The following SNURF variants were observed in gnomAD, a reference collection of about 807,000 sequenced individuals.
SNURF encodes SNRPN upstream open reading frame, also known as SNURF protein.
SNURF carries 6 observed loss-of-function variants against 11.6 expected under a neutral mutation model. That is an observed-to-expected ratio of 0.52 (90% CI 0.28 to 1.02). SNURF has a LOEUF of 1.02. SNURF is among the 50% of genes least tolerant of loss of function. The pLI, the probability that SNURF is intolerant of heterozygous loss-of-function variation, is 0.09. For synonymous variants in SNURF, 29 were observed against 31.6 expected, an observed-to-expected ratio of 0.92 and a Z score of 0.27; for missense variants, 84 against 88.4, an observed-to-expected ratio of 0.95 and a Z score of 0.20.
At chr15:24,964,537 G>A (rs1026255749) in intron 2 of SNURF, among the ~76,000 whole-genome samples, 28 of 152,060 alleles carry the variant, frequency 1.8e-4, no homozygotes, top group African/African-American at 3.4e-4. Context: ...CAGATGATCC[G>A]CCCGCCTTGG....
At chr15:24,977,011 T>C (rs1346494021) in exon 6 of SNURF, 1 of 1,579,738 alleles carries the variant, frequency 6.3e-7, no homozygotes, top group Non-Finnish European at 8.6e-7. Context: ...TCCGAGGAGT[T>C]GGGGGACCAT....
rs773029016 is a variant in SNURF, at chr15:24,955,059, C to G, written c.11C>G (p.Ala4Gly). The G allele has an allele frequency of 6.2e-6, 10 of 1,613,316 alleles. No individual in the cohort carries two copies. In the South Asian group the frequency reaches 1.1e-4, roughly 18 times the overall value. The change falls in exon 1 of 3, where the codon GCA becomes GGA. Residue 4 changes from alanine (A) to glycine (G), a missense_variant. Ala to Gly is a moderately conservative substitution (Grantham distance 60). Transcript: ENST00000577949. The stretch of plus-strand genomic sequence containing the variant: ...GCGGTCAGTGACGCGATGGAGCGGG[C>G]AAGGTCAGCTGTGCCGGTGGCTTCT...
downstream of SNURF, chr15:24,978,081 A>T (rs909492262): frequency 3.2e-6 from 4 of 1,254,222 alleles, no homozygotes; most frequent in Admixed American, 2.1e-5. Flanking sequence ...TATAGAAGTT[A>T]TTTGACTCTA....
intron 2 of SNURF, among the ~76,000 whole-genome samples, chr15:24,963,864 C>T (rs915743075): frequency 6.6e-6 from 1 of 151,786 alleles, no homozygotes; most frequent in Non-Finnish European, 1.5e-5. Context: ...GAGAGACCTC[C>T]TCTCTACAGA....
At chr15:24,973,140 C>T (rs898300179), downstream of SNURF, among the ~76,000 whole-genome samples, 13 of 151,950 alleles carry the variant, frequency 8.6e-5, no homozygotes, top group African/African-American at 2.7e-4. Context: ...CCGCCCACCT[C>T]GGTTTCCCAA....
intron 2 of SNURF, among the ~76,000 whole-genome samples, chr15:24,962,660 G>GTA (rs2075017149): frequency 1.3e-5 from 2 of 152,048 alleles, no homozygotes; most frequent in African/African-American, 4.8e-5. Context: ...CCTGTTTTAA[G>GTA]TATATATATG....
downstream of SNURF, chr15:24,978,037 GT>G: frequency 8.2e-7 from 1 of 1,217,152 alleles, no homozygotes; most frequent in Non-Finnish European, 1.2e-6. Flanking sequence ...CTAGATACTG[GT>G]TTTTAATGAA....
rs182889618 is a variant in SNURF at position 24,959,122 on chromosome 15, G to A, written c.15-2992G>A. On this transcript the variant is annotated intron_variant, in intron 1 of 2. Coordinates refer to ENST00000577949, the Ensembl canonical transcript of SNURF. ...GCTTTTTGCTTTTCAATATATTTCC[G>A]GATTATTACTTTCAGTGTAAGTGAT... 5.1e-3 allele frequency among the ~76,000 whole-genome samples: 783 copies of A among 152,088 alleles called. 3 individuals carry two copies. The highest frequency in any genetic ancestry group is 8.5e-3 in the Non-Finnish European group (578 of 67,994).
At chr15:24,958,068 C>A (rs952260779) in intron 1 of SNURF, among the ~76,000 whole-genome samples, 1 of 152,144 alleles carries the variant, frequency 6.6e-6, no homozygotes, top group Non-Finnish European at 1.5e-5. Context: ...TGGATTTATT[C>A]ACAGACCTTG....
intron 2 of SNURF, 46 bp from the exon 3 acceptor site, chr15:24,967,886 G>C (rs752846196): frequency 6.9e-7 from 1 of 1,450,384 alleles, no homozygotes; most frequent in East Asian, 2.5e-5. Flanking sequence ...TTCCTATAAA[G>C]ACAAATGTAT....
At chr15:24,963,486 G>T (rs965963809) in intron 2 of SNURF, among the ~76,000 whole-genome samples, 1 of 151,784 alleles carries the variant, frequency 6.6e-6, no homozygotes, top group Non-Finnish European at 1.5e-5. Flanking sequence ...GTGGTGGCAC[G>T]TGCCTGTAAT....
intron 6 of SNURF, among the ~76,000 whole-genome samples, chr15:24,977,424 A>G (rs1038199636): frequency 6.6e-6 from 1 of 152,164 alleles, no homozygotes; most frequent in African/African-American, 2.4e-5. Context: ...AGATCACTTG[A>G]GGTCAGGAGT....
intron 1 of SNURF, among the ~76,000 whole-genome samples, chr15:24,959,889 C>A (rs1356740591): frequency 6.6e-6 from 1 of 152,138 alleles, no homozygotes; most frequent in Admixed American, 6.6e-5. Context: ...ACTTAGCCCT[C>A]GTATATGCCA....
At chr15:24,962,069 G>A (rs957838506) in intron 1 of SNURF, 45 bp from the exon 2 acceptor site, 19 of 1,434,434 alleles carry the variant, frequency 1.3e-5, no homozygotes, top group Non-Finnish European at 1.9e-5. Flanking sequence ...TTATTTCATA[G>A]ATTGATGCAG....
intron 1 of SNURF, among the ~76,000 whole-genome samples, chr15:24,955,832 CGGCGGTGGGCATGGCATGGA>C (rs1326520698): frequency 5.8e-4 from 88 of 150,920 alleles, no homozygotes; most frequent in African/African-American, 1.5e-3. Context: ...GTAGGCATGG[CGGCGGTGGGCATGGCATGGA>C]GGCGGTGGGC....
At chr15:24,976,699 T>C (rs1009145282) in intron 5 of SNURF, among the ~76,000 whole-genome samples, 7 of 152,232 alleles carry the variant, frequency 4.6e-5, no homozygotes, top group African/African-American at 1.4e-4. Context: ...TGACAAATAA[T>C]GTGCATTTTA....
chr15:24,976,176 G>T, intron 4 of SNURF: 12 of 733,360 alleles, frequency 1.6e-5, no homozygotes, highest in Admixed American at 1.5e-4. Context: ...TTTTTGGCTT[G>T]TTTTTCAGTG....
intron 2 of SNURF, among the ~76,000 whole-genome samples, chr15:24,963,702 T>A (rs919124678): frequency 6.6e-6 from 1 of 152,088 alleles, no homozygotes; most frequent in African/African-American, 2.4e-5. Context: ...TAGTAAAAAC[T>A]GAGTAGTAGT....
chr15:24,978,286 C>G, downstream of SNURF: 1 of 1,614,108 alleles, frequency 6.2e-7, no homozygotes, highest in Non-Finnish European at 8.5e-7. Flanking sequence ...ATGCCGCCTC[C>G]GGGAATGAGA....
Sources: allele counts gnomAD v4.1 joint callset (sites outside exome capture counted in the v4.1 genomes callset), GRCh38; gene constraint gnomAD v4.1.1; transcripts MANE v1.5; gene names NCBI Gene and HGNC (gene_info 2026-07-23, HGNC 2026-07-21).